The following SEMA5A variants were observed in gnomAD, a reference collection of about 807,000 sequenced individuals.
SEMA5A encodes the protein semaphorin 5A.
Under a neutral mutation model 135.5 loss-of-function variants are expected in SEMA5A, and 55 were observed. The ratio of observed to expected loss-of-function variants is 0.41; its 90% confidence interval spans 0.33 to 0.51. The LOEUF is 0.51. SEMA5A is among the 20% of genes least tolerant of loss of function. The pLI, the probability that SEMA5A is intolerant of heterozygous loss-of-function variation, is 0.37. For synonymous variants in SEMA5A, 580 were observed against 546.5 expected (o/e 1.06, Z -0.85); for missense variants, 1,290 against 1,419.9 (o/e 0.91, Z 1.47).
chr5:9,344,400 C>T (rs957764198), intron 3 of SEMA5A, among the ~76,000 whole-genome samples: 1 of 152,160 alleles, frequency 6.6e-6, no homozygotes, highest in South Asian at 2.1e-4. Context: ...GAGCATGAAT[C>T]CTTACTGCCT....
intron 5 of SEMA5A, among the ~76,000 whole-genome samples, chr5:9,272,421 G>T (rs1345317209): frequency 6.6e-6 from 1 of 152,138 alleles, no homozygotes; most frequent in Non-Finnish European, 1.5e-5. Flanking sequence ...GGGAAGGGGA[G>T]GTTTTTGGCA....
chr5:9,202,375 G>A, intron 8 of SEMA5A, 135 bp from the exon 9 acceptor site: 13 of 650,864 alleles, frequency 2.0e-5, no homozygotes, highest in South Asian at 1.5e-4. Flanking sequence ...CTATTGGGAG[G>A]CCCCGTGAGC....
intron 11 of SEMA5A, among the ~76,000 whole-genome samples, chr5:9,167,833 C>T (rs1264937149): frequency 6.6e-6 from 1 of 152,146 alleles, no homozygotes; most frequent in Non-Finnish European, 1.5e-5. Context: ...TTATTCATGA[C>T]CACCGTCATG....
At chr5:9,118,455 T>C (rs1740635034) in intron 15 of SEMA5A, among the ~76,000 whole-genome samples, 1 of 152,200 alleles carries the variant, frequency 6.6e-6, no homozygotes, top group Non-Finnish European at 1.5e-5. Context: ...TGCCATGATG[T>C]GCTGAAAGCT....
rs1339173882 is a variant in SEMA5A at position 9,277,694 on chromosome 5, T to G, written c.271-39804A>C. ...CATGGATGATGCTGGAAACCATCAT[T>G]CTCAGTAAACTAACACAAGAACAGA... On this transcript the variant is annotated intron_variant, in intron 5 of 22. Coordinates refer to ENST00000382496, the MANE Select transcript of SEMA5A (RefSeq NM_003966.3). 2.0e-5 allele frequency among the ~76,000 whole-genome samples: 3 copies of G among 152,042 alleles called. No homozygotes were observed. In the East Asian group the frequency reaches 5.8e-4, roughly 29 times the overall value.
chr5:9,381,871 G>T (rs1411354647), intron 2 of SEMA5A, among the ~76,000 whole-genome samples: 2 of 151,746 alleles, frequency 1.3e-5, no homozygotes, highest in Non-Finnish European at 2.9e-5. Context: ...GTGACTTCAA[G>T]GATAGTGATG....
intron 2 of SEMA5A, among the ~76,000 whole-genome samples, chr5:9,398,725 AC>A (rs2126556823): frequency 6.6e-6 from 1 of 152,326 alleles, no homozygotes; most frequent in Non-Finnish European, 1.5e-5. Flanking sequence ...GTCATGAAAA[AC>A]TTTGGAAAAA....
intron 11 of SEMA5A, among the ~76,000 whole-genome samples, chr5:9,168,839 T>C (rs185892894): frequency 2.9e-4 from 44 of 152,338 alleles, no homozygotes; most frequent in Middle Eastern, 3.4e-3. Context: ...CTCCAGGCCA[T>C]GTTGCTGTGG....
At chr5:9,415,926 G>A (rs181812872) in intron 2 of SEMA5A, among the ~76,000 whole-genome samples, 64 of 152,282 alleles carry the variant, frequency 4.2e-4, no homozygotes, top group African/African-American at 1.4e-3. Context: ...ACATAGTTGA[G>A]AAAGCTGAGC....
intron 5 of SEMA5A, among the ~76,000 whole-genome samples, chr5:9,251,987 G>T (rs1748819356): frequency 6.6e-6 from 1 of 152,180 alleles, no homozygotes; most frequent in South Asian, 2.1e-4. Flanking sequence ...GGATTATGAA[G>T]TCAGGCCACC....
intron 8 of SEMA5A, among the ~76,000 whole-genome samples, chr5:9,222,868 T>C (rs1158898708): frequency 6.6e-6 from 1 of 152,202 alleles, no homozygotes; most frequent in African/African-American, 2.4e-5. Context: ...GCAGCTAGTG[T>C]TTGTAACTCA....
chr5:9,440,489 C>A (rs1227605185), intron 1 of SEMA5A, among the ~76,000 whole-genome samples: 8 of 152,174 alleles, frequency 5.3e-5, no homozygotes, highest in African/African-American at 1.9e-4. Flanking sequence ...GTGCCAACAA[C>A]CTCTGAAATC....
chr5:9,478,495 G>T (rs868565537), intron 1 of SEMA5A, among the ~76,000 whole-genome samples: 1 of 152,230 alleles, frequency 6.6e-6, no homozygotes, highest in Non-Finnish European at 1.5e-5. Context: ...ACAGGGTCAA[G>T]GCTGCCCAAG....
chr5:9,275,593 C>T (rs1374101307), intron 5 of SEMA5A, among the ~76,000 whole-genome samples: 1 of 152,132 alleles, frequency 6.6e-6, no homozygotes, highest in Admixed American at 6.5e-5. Context: ...CAATAAAATA[C>T]TGGCAAACCA....
chr5:9,219,652 C>T lies in SEMA5A; in HGVS notation c.646+5022G>A, dbSNP rs570174184. On this transcript the variant is annotated intron_variant, in intron 8 of 22. Coordinates refer to ENST00000382496, the MANE Select transcript of SEMA5A (RefSeq NM_003966.3). The stretch of plus-strand genomic sequence containing the variant: ...GACATCTACAAGCCAAGGAGAGAGG[C>T]CTCAGGAGACACCAATCCTGCTGAC... Among the ~76,000 whole-genome samples, 253 of 152,200 alleles carry T rather than the reference C, an allele frequency of 1.7e-3. 1 individual carries two copies. Among genetic ancestry groups the T allele is most frequent in the African/African-American group, 5.8e-3 (242 of 41,538 alleles).
intron 1 of SEMA5A, among the ~76,000 whole-genome samples, chr5:9,516,209 A>G (rs1426256033): frequency 6.6e-6 from 1 of 152,068 alleles, no homozygotes; most frequent in Non-Finnish European, 1.5e-5. Flanking sequence ...TGACATACAT[A>G]CCTCTGCACA....
At chr5:9,066,712 T>A in intron 16 of SEMA5A, 66 bp from the exon 17 acceptor site, 1 of 1,410,942 alleles carries the variant, frequency 7.1e-7, no homozygotes, top group Non-Finnish European at 9.9e-7. Flanking sequence ...GAAGGGCTCC[T>A]TTCCTTTAGG....
chr5:9,168,218 G>C (rs139007788), intron 11 of SEMA5A, among the ~76,000 whole-genome samples: 69 of 152,280 alleles, frequency 4.5e-4, no homozygotes, highest in African/African-American at 1.5e-3. Flanking sequence ...TACTCAGGGA[G>C]AAGCCTGAGA....
chr5:9,445,602 G>A (rs1057507955), intron 1 of SEMA5A, among the ~76,000 whole-genome samples: 1 of 152,084 alleles, frequency 6.6e-6, no homozygotes, highest in Non-Finnish European at 1.5e-5. Flanking sequence ...CCGGGAGACG[G>A]AGCTTGCAAT....
Sources: gnomAD v4.1 joint callset for allele counts (sites outside exome capture counted in the v4.1 genomes callset) on GRCh38, gnomAD v4.1.1 for gene constraint, MANE v1.5 for transcripts, NCBI Gene and HGNC (gene_info 2026-07-23, HGNC 2026-07-21) for gene names.